The following SLC24A3 variants were observed in gnomAD, a reference collection of about 807,000 sequenced individuals.
The protein encoded by SLC24A3 is solute carrier family 24 member 3.
In SLC24A3, 28 loss-of-function variants were observed where a neutral mutation model predicts 75.8. The observed-to-expected ratio is 0.37, with a 90% CI of 0.27 to 0.51. The LOEUF is 0.51. Ranked by LOEUF, SLC24A3 falls within the 20% of genes least tolerant of loss-of-function variation. SLC24A3 has a pLI of 0.94. For synonymous variants in SLC24A3, 372 were observed against 334.1 expected (o/e 1.11, Z -1.24); for missense variants, 663 against 847.8 (o/e 0.78, Z 2.71).
At chr20:19,263,983 G>A (rs1446304140) in intron 1 of SLC24A3, 2 of 151,708 alleles carry the variant, frequency 1.3e-5, no homozygotes, top group African/African-American at 4.8e-5. Flanking sequence ...GCTCAGACTT[G>A]TAATCCCAGC....
intron 3 of SLC24A3, among the ~76,000 whole-genome samples, chr20:19,532,207 G>C (rs1353714284): frequency 2.6e-5 from 4 of 152,196 alleles, no homozygotes; most frequent in African/African-American, 7.2e-5. Flanking sequence ...TGCAGCCAGG[G>C]GACCATGGAT....
Position 19,646,504 on chromosome 20 carries a change from T to A in SLC24A3, c.613-7558T>A, listed in dbSNP as rs147024017. Among the ~76,000 whole-genome samples, 3 of 152,374 alleles carry A rather than the reference T, an allele frequency of 2.0e-5. No homozygotes were observed. The East Asian group carries it at 5.8e-4, about 29-fold the overall frequency. ...GTGATGGAGTAATTACTATTAAAAT[T>A]AATGTGTAATGTTAACAACGATAAC... On this transcript the variant is annotated intron_variant, in intron 6 of 16. Coordinates refer to ENST00000328041, the MANE Select transcript of SLC24A3 (RefSeq NM_020689.4).
rs191491155 is a variant in SLC24A3, at chr20:19,367,501, T to A, written c.271+86414T>A. On this transcript the variant is annotated intron_variant, in intron 2 of 16. Transcript: ENST00000328041. Reference sequence around the variant, plus strand: ...AAAAGAAGCCCTGCCTTTTTTTTTTTAAACCCTGCTTAGGTATGAATCCCA... The same window carrying A: ...AAAAGAAGCCCTGCCTTTTTTTTTTAAAACCCTGCTTAGGTATGAATCCCA... 2.3e-3 allele frequency among the ~76,000 whole-genome samples: 350 copies of A among 151,512 alleles called. 6 individuals carry two copies. Among genetic ancestry groups the A allele is most frequent in the Non-Finnish European group, 6.8e-4 (46 of 67,818 alleles).
intron 6 of SLC24A3, among the ~76,000 whole-genome samples, chr20:19,649,896 G>GGGTA (rs2032181681): frequency 6.6e-6 from 1 of 152,172 alleles, no homozygotes; most frequent in Non-Finnish European, 1.5e-5. Context: ...TGGGAAATGA[G>GGGTA]GGTAAGCCAA....
At chr20:19,615,519 C>T (rs1167463972) in intron 6 of SLC24A3, among the ~76,000 whole-genome samples, 1 of 152,100 alleles carries the variant, frequency 6.6e-6, no homozygotes, top group African/African-American at 2.4e-5. Context: ...AGAGCAGGAG[C>T]AAGAGAGAGC....
At chr20:19,270,691 G>A (rs1298915852) in intron 1 of SLC24A3, among the ~76,000 whole-genome samples, 11 of 151,966 alleles carry the variant, frequency 7.2e-5, no homozygotes, top group Admixed American at 6.6e-4. Context: ...TTCCACATAT[G>A]AATTTGACAC....
intron 2 of SLC24A3, among the ~76,000 whole-genome samples, chr20:19,338,788 T>G (rs1985197598): frequency 6.6e-6 from 1 of 152,198 alleles, no homozygotes; most frequent in African/African-American, 2.4e-5. Context: ...GAAAATTGCA[T>G]GGGCTTGAGA....
chr20:19,717,938 A>T (rs1483445840), intron 16 of SLC24A3, among the ~76,000 whole-genome samples: 1 of 152,212 alleles, frequency 6.6e-6, no homozygotes, highest in Non-Finnish European at 1.5e-5. Context: ...CGAATCCATG[A>T]ATTTGACTAA....
In SLC24A3 at chr20:19,542,772, C is replaced by T. The variant is rs191122470; in HGVS notation, c.348+27208C>T. The stretch of plus-strand genomic sequence containing the variant: ...AGGGATCGGAGAGCCCCTCTGAGAT[C>T]ATAAACCCATGAGAGAGAAGGAGGA... On this transcript the variant is annotated intron_variant, in intron 3 of 16. Transcript: ENST00000328041. 3.0e-3 allele frequency among the ~76,000 whole-genome samples: 462 copies of T among 152,248 alleles called. 1 individual carries two copies. Among genetic ancestry groups the T allele is most frequent in the Non-Finnish European group, 4.6e-3 (315 of 68,014 alleles).
intron 6 of SLC24A3, among the ~76,000 whole-genome samples, chr20:19,586,607 C>T (rs997346423): frequency 2.0e-5 from 3 of 152,186 alleles, no homozygotes; most frequent in African/African-American, 4.8e-5. Flanking sequence ...GATGTAGACT[C>T]GAGGGTCTCC....
chr20:19,433,147 A>C (rs1987133779), intron 2 of SLC24A3, among the ~76,000 whole-genome samples: 1 of 152,164 alleles, frequency 6.6e-6, no homozygotes, highest in South Asian at 2.1e-4. Flanking sequence ...CTTTCTCCGC[A>C]ATGTATCATC....
intron 9 of SLC24A3, among the ~76,000 whole-genome samples, 167 bp downstream of exon 9, chr20:19,673,821 G>A (rs1251726937): frequency 6.6e-6 from 1 of 152,156 alleles, no homozygotes; most frequent in Admixed American, 6.5e-5. Flanking sequence ...ATTTTGATTA[G>A]TATCAATTGT....
intron 2 of SLC24A3, among the ~76,000 whole-genome samples, chr20:19,497,896 G>A (rs1161827806): frequency 6.6e-6 from 1 of 152,190 alleles, no homozygotes; most frequent in Admixed American, 6.5e-5. Context: ...CCATGGACCA[G>A]TACCAATCCC....
chr20:19,287,326 A>G (rs1278500267), intron 2 of SLC24A3, among the ~76,000 whole-genome samples: 1 of 152,210 alleles, frequency 6.6e-6, no homozygotes, highest in Non-Finnish European at 1.5e-5. Context: ...CTAGATGCTC[A>G]CCGATGCTCA....
At chr20:19,706,593 G>C (rs2032932692) in intron 15 of SLC24A3, among the ~76,000 whole-genome samples, 1 of 152,088 alleles carries the variant, frequency 6.6e-6, no homozygotes, top group South Asian at 2.1e-4. Flanking sequence ...CTGTGGCTGG[G>C]GGGAGTATGG....
chr20:19,252,185 C>T (rs1568569276), intron 1 of SLC24A3, among the ~76,000 whole-genome samples: 1 of 152,188 alleles, frequency 6.6e-6, no homozygotes, highest in South Asian at 2.1e-4. Context: ...AATATTGTTC[C>T]TCTTGACAGA....
intron 3 of SLC24A3, among the ~76,000 whole-genome samples, chr20:19,561,724 T>G (rs1489825443): frequency 6.6e-6 from 1 of 152,110 alleles, no homozygotes; most frequent in Non-Finnish European, 1.5e-5. Flanking sequence ...CGCTAAGAAT[T>G]TTGCACATAT....
chr20:19,295,877 G>T (rs1019902597), intron 2 of SLC24A3, among the ~76,000 whole-genome samples: 2 of 152,060 alleles, frequency 1.3e-5, no homozygotes, highest in African/African-American at 4.8e-5. Context: ...CTCATAGAAT[G>T]AGTTAGAGAG....
In SLC24A3 at chr20:19,277,277, G is replaced by C. The variant is rs567513531; in HGVS notation, c.143-3682G>C. Among the ~76,000 whole-genome samples the C allele has an allele frequency of 4.7e-4, 72 of 152,112 alleles. 3 individuals are homozygous for C. The highest frequency in any genetic ancestry group is 1.3e-4 in the Non-Finnish European group (9 of 68,008). On this transcript the variant is annotated intron_variant, in intron 1 of 16. Transcript: ENST00000328041. ...AAATGGAACTAGTATTTCCATGTAGGGTTTTCATCCATGAAGATGAAACAT... is the reference window on the plus strand; with the variant it reads ...AAATGGAACTAGTATTTCCATGTAGCGTTTTCATCCATGAAGATGAAACAT...
Sources: gnomAD v4.1 joint callset for allele counts (sites outside exome capture counted in the v4.1 genomes callset) on GRCh38, gnomAD v4.1.1 for gene constraint, MANE v1.5 for transcripts, NCBI Gene and HGNC (gene_info 2026-07-23, HGNC 2026-07-21) for gene names.